RCAN2: variants seen among roughly 807,000 people sequenced by gnomAD.
The protein encoded by RCAN2 is calcipressin-2.
Under a neutral mutation model 23.6 loss-of-function variants are expected in RCAN2, and 9 were observed. That is an observed-to-expected ratio of 0.38 (90% CI 0.23 to 0.67). The LOEUF is 0.67. Ranked by LOEUF, RCAN2 falls within the 30% of genes least tolerant of loss-of-function variation. The pLI, the probability that RCAN2 is intolerant of heterozygous loss-of-function variation, is 0.51. For missense variants in RCAN2, 273 were observed against 302.3 expected (o/e 0.90, Z 0.72); for synonymous variants, 109 against 115.7 (o/e 0.94, Z 0.37).
At chr6:46,329,476 T>C (rs1286106693) in intron 2 of RCAN2, among the ~76,000 whole-genome samples, 1 of 152,174 alleles carries the variant, frequency 6.6e-6, no homozygotes, top group Non-Finnish European at 1.5e-5. Flanking sequence ...TCCCTGCTTA[T>C]TCCCAGGGGC....
At chr6:46,296,064 T>C (rs1762716895) in intron 2 of RCAN2, among the ~76,000 whole-genome samples, 1 of 128,878 alleles carries the variant, frequency 7.8e-6, no homozygotes, top group African/African-American at 2.9e-5. Context: ...GTCCAATAGC[T>C]TCGTGTGTGT....
At chr6:46,224,789 T>G (rs1454741016) in intron 4 of RCAN2, among the ~76,000 whole-genome samples, 2 of 123,824 alleles carry the variant, frequency 1.6e-5, no homozygotes, top group Non-Finnish European at 3.1e-5. Context: ...CAAGGTACAG[T>G]TTTTTTTTTT....
chr6:46,373,590 A>G (rs2150390089), intron 2 of RCAN2, among the ~76,000 whole-genome samples: 1 of 152,292 alleles, frequency 6.6e-6, no homozygotes, highest in Non-Finnish European at 1.5e-5. Flanking sequence ...ACAAGTCCTT[A>G]AGCAGGGGAA....
At chr6:46,293,014 G>A (rs908407596) in intron 2 of RCAN2, among the ~76,000 whole-genome samples, 1 of 152,082 alleles carries the variant, frequency 6.6e-6, no homozygotes, top group Non-Finnish European at 1.5e-5. Context: ...TGGAATGATG[G>A]TTTCCAGCTT....
chr6:46,405,899 G>A (rs958632264), intron 2 of RCAN2, among the ~76,000 whole-genome samples: 2 of 152,206 alleles, frequency 1.3e-5, no homozygotes, highest in African/African-American at 4.8e-5. Context: ...TGCAGGTCCC[G>A]AGCCCTGCCC....
At chr6:46,363,848 G>A (rs1209113887) in intron 2 of RCAN2, among the ~76,000 whole-genome samples, 1 of 152,048 alleles carries the variant, frequency 6.6e-6, no homozygotes, top group African/African-American at 2.4e-5. Context: ...AATTAATAAG[G>A]CAACCAGTAA....
chr6:46,373,608 C>T (rs991841175), intron 2 of RCAN2, among the ~76,000 whole-genome samples: 1 of 152,168 alleles, frequency 6.6e-6, no homozygotes, highest in African/African-American at 2.4e-5. Flanking sequence ...GAAAATGTAT[C>T]ACTACTTTGT....
At position 46,456,876 on chromosome 6, in the gene RCAN2, T is replaced by C; in HGVS notation, c.101A>G (p.Asp34Gly). Residue 34 changes from aspartate (D) to glycine (G), a missense_variant, in exon 2 of 5, where the codon GAC becomes GGC. Coordinates refer to ENST00000371374, the MANE Select transcript of RCAN2 (RefSeq NM_001251974.2). ...GLFLLCCIDRDWAVTRCFAEE... is the reference protein window; with the variant it reads ...GLFLLCCIDRGWAVTRCFAEE... ...TGCAAAACAACGAGTGACAGCCCAG[T>C]CCCTGTCTATGCAGCACAGTAAGAA... The C allele has an allele frequency of 6.4e-7, 1 of 1,550,650 alleles. No homozygotes were observed. Among genetic ancestry groups the C allele is most frequent in the Admixed American group, 2.0e-5 (1 of 51,010 alleles).
chr6:46,459,405 T>C (rs1202980555), intron 1 of RCAN2, among the ~76,000 whole-genome samples: 1 of 152,238 alleles, frequency 6.6e-6, no homozygotes, highest in Non-Finnish European at 1.5e-5. Flanking sequence ...CCGAACAAAT[T>C]AATTAAATAG....
At chr6:46,274,173 C>T (rs1767614165) in intron 2 of RCAN2, among the ~76,000 whole-genome samples, 1 of 152,154 alleles carries the variant, frequency 6.6e-6, no homozygotes, top group Non-Finnish European at 1.5e-5. Context: ...AACCTGCAAA[C>T]CTTTGATAAG....
At chr6:46,276,503 C>T (rs1230451035) in intron 2 of RCAN2, among the ~76,000 whole-genome samples, 2 of 152,186 alleles carry the variant, frequency 1.3e-5, no homozygotes, top group Non-Finnish European at 2.9e-5. Context: ...TCCATGAGAC[C>T]TGTCAATCTG....
intron 2 of RCAN2, among the ~76,000 whole-genome samples, chr6:46,262,070 C>T (rs1317919414): frequency 1.3e-5 from 2 of 152,136 alleles, no homozygotes; most frequent in Non-Finnish European, 2.9e-5. Context: ...TAGACAAACC[C>T]ATTTCCAGAC....
chr6:46,455,902 A>G (rs989384466), intron 2 of RCAN2, among the ~76,000 whole-genome samples: 4 of 151,842 alleles, frequency 2.6e-5, no homozygotes, highest in African/African-American at 7.3e-5. Context: ...AAAAGAAAAA[A>G]AAAAGGCCCT....
chr6:46,340,295 G>A (rs1764273617), intron 2 of RCAN2, among the ~76,000 whole-genome samples: 1 of 151,762 alleles, frequency 6.6e-6, no homozygotes, highest in Non-Finnish European at 1.5e-5. Context: ...GGAATTTAGG[G>A]ACTTAGCCAT....
intron 2 of RCAN2, among the ~76,000 whole-genome samples, chr6:46,263,071 G>T (rs987562326): frequency 6.6e-6 from 1 of 152,154 alleles, no homozygotes; most frequent in Non-Finnish European, 1.5e-5. Context: ...TTTGTGTTTT[G>T]CTCACATATT....
chr6:46,328,570 G>T (rs1239987290), intron 2 of RCAN2, among the ~76,000 whole-genome samples: 1 of 152,148 alleles, frequency 6.6e-6, no homozygotes, highest in African/African-American at 2.4e-5. Context: ...AGCCCAGGAG[G>T]CTCTCCTGTT....
At position 46,223,131 on chromosome 6, in the gene RCAN2, A is replaced by C; in HGVS notation, c.*10T>G. On this transcript the variant is annotated 3_prime_UTR_variant, in exon 5 of 5. Coordinates refer to ENST00000371374, the MANE Select transcript of RCAN2 (RefSeq NM_001251974.2). Reference sequence around the variant, plus strand: ...GAGGAGACGGCTATTATCGAGAAGGAGCAGGCAGCTCAGTTGGACACGGAG... The same window carrying C: ...GAGGAGACGGCTATTATCGAGAAGGCGCAGGCAGCTCAGTTGGACACGGAG... The C allele has an allele frequency of 6.2e-7, 1 of 1,612,648 alleles. No individual in the cohort carries two copies. Among genetic ancestry groups the C allele is most frequent in the Non-Finnish European group, 8.5e-7 (1 of 1,179,808 alleles).
intron 2 of RCAN2, among the ~76,000 whole-genome samples, chr6:46,311,694 T>G (rs142126012): frequency 7.0e-4 from 106 of 152,358 alleles, no homozygotes; most frequent in African/African-American, 2.5e-3. Context: ...CCTTGTTTCA[T>G]GAAATCTTGA....
At chr6:46,293,960 A>G (rs1333114632) in intron 2 of RCAN2, among the ~76,000 whole-genome samples, 1 of 152,190 alleles carries the variant, frequency 6.6e-6, no homozygotes, top group African/African-American at 2.4e-5. Context: ...AGAATTGGAA[A>G]GACTTCAGAA....
Sources: gnomAD v4.1 joint callset for allele counts (sites outside exome capture counted in the v4.1 genomes callset) on GRCh38, gnomAD v4.1.1 for gene constraint, MANE v1.5 for transcripts, NCBI Gene and HGNC (gene_info 2026-07-23, HGNC 2026-07-21) for gene names.